SEC22C: variants seen among roughly 807,000 people sequenced by gnomAD.
SEC22C encodes vesicle-trafficking protein SEC22c.
A neutral mutation model predicts 34.7 loss-of-function variants in SEC22C; 29 were observed. The ratio of observed to expected loss-of-function variants is 0.84; its 90% CI spans 0.62 to 1.14. The LOEUF is 1.14. Among genes scored for constraint, SEC22C ranks in the 50% most tolerant of loss-of-function variants. SEC22C has a pLI of 0.00. For missense variants in SEC22C, 337 were observed against 369.0 expected (o/e 0.91, Z 0.71); for synonymous variants, 117 against 132.8 (o/e 0.88, Z 0.82).
Position 42,548,670 on chromosome 3 carries a change from A to C in SEC22C, c.*4578T>G. On this transcript the variant is annotated 3_prime_UTR_variant, in exon 7 of 7. Transcript: ENST00000264454. ...AGCTCCTTGGATCCTGGAATAAACC[A>C]AACATCAATGGTACCATGCGCTCTG... 6.2e-7 allele frequency: 1 copy of C among 1,614,100 alleles called. No individual in the cohort carries two copies. The highest frequency in any genetic ancestry group is 8.5e-7 in the Non-Finnish European group (1 of 1,180,030).
upstream of SEC22C, among the ~76,000 whole-genome samples, chr3:42,586,564 A>G (rs1241003781): frequency 6.9e-6 from 1 of 145,502 alleles, no homozygotes; most frequent in Admixed American, 6.9e-5. Context: ...GCTGTCCTGT[A>G]TGTCCTTTTC....
At chr3:42,595,921 G>C (rs1447164096) in intron 1 of SEC22C, among the ~76,000 whole-genome samples, 3 of 152,196 alleles carry the variant, frequency 2.0e-5, no homozygotes. Flanking sequence ...CTGAGATAAC[G>C]TGGTTGAGAA....
rs116669051 is a variant in SEC22C, at chr3:42,567,539, C to A, written c.182+1326G>T. On this transcript the variant is annotated intron_variant, in intron 2 of 6. Coordinates refer to ENST00000264454, the MANE Select transcript of SEC22C (RefSeq NM_032970.4). ...AAAACAGGTGTAACACTATTACCTA[C>A]ATCATTAGCCACATAAAACACAGAA... Among the ~76,000 whole-genome samples the A allele has an allele frequency of 3.0e-3, 457 of 152,326 alleles. 3 individuals carry two copies. The highest frequency in any genetic ancestry group is 0.011 in the African/African-American group (441 of 41,570).
rs1702181122 is a variant in SEC22C, at chr3:42,550,192, C to CA, written c.*3055dup. The CA allele has an allele frequency of 1.0e-6, 1 of 985,360 alleles. No individual in the cohort carries two copies. The highest frequency in any genetic ancestry group is 1.7e-5 in the African/African-American group (1 of 57,252). 61.0% of individuals were successfully genotyped at this position (985,360 alleles called of 1,614,324 possible). On this transcript the variant is annotated 3_prime_UTR_variant, in exon 7 of 7. Transcript: ENST00000264454. ...ATGGGACTTAACACACTCTGATGCT[C>CA]AAGGCCTTGCAGCATCTGATACCAG...
At chr3:42,577,878 G>A (rs753471601) in intron 1 of SEC22C, among the ~76,000 whole-genome samples, 6 of 152,032 alleles carry the variant, frequency 3.9e-5, no homozygotes, top group Non-Finnish European at 7.4e-5. Context: ...GCTGAGGCAG[G>A]AGAATCACTT....
chr3:42,556,933 G>A (rs907194292), intron 5 of SEC22C, among the ~76,000 whole-genome samples: 3 of 152,100 alleles, frequency 2.0e-5, no homozygotes. Context: ...ATGTTGATCA[G>A]GCTGGTCTCA....
At chr3:42,595,244 T>C (rs1295479013) in intron 1 of SEC22C, 1 of 152,218 alleles carries the variant, frequency 6.6e-6, no homozygotes, top group Non-Finnish European at 1.5e-5. Flanking sequence ...CATGTTGTAT[T>C]TTGTTGATGT....
intron 1 of SEC22C, among the ~76,000 whole-genome samples, chr3:42,579,795 C>G (rs1359051741): frequency 6.6e-6 from 1 of 152,146 alleles, no homozygotes; most frequent in African/African-American, 2.4e-5. Context: ...ACTCAGTAAA[C>G]ACTGCTAAGT....
chr3:42,548,503 C>T lies in SEC22C; in HGVS notation c.*4745G>A. The T allele has an allele frequency of 8.2e-7, 1 of 1,212,344 alleles. No individual in the cohort carries two copies. The highest frequency in any genetic ancestry group is 1.2e-6 in the Non-Finnish European group (1 of 832,956). 75.1% of individuals were successfully genotyped at this position (1,212,344 alleles called of 1,614,324 possible). A position where few individuals can be genotyped will look rare whatever the true frequency, so the allele number is the denominator to read the frequency against. On this transcript the variant is annotated 3_prime_UTR_variant, in exon 7 of 7. Coordinates refer to ENST00000264454, the MANE Select transcript of SEC22C (RefSeq NM_032970.4). Reference sequence around the variant, plus strand: ...GCCATTCCCAGATTTCACTGACATGCCCTTTTCCACAGGCTCCCTGCTGAT... The same window carrying T: ...GCCATTCCCAGATTTCACTGACATGTCCTTTTCCACAGGCTCCCTGCTGAT...
chr3:42,598,365 T>C (rs977123036), intron 1 of SEC22C, among the ~76,000 whole-genome samples: 3 of 151,022 alleles, frequency 2.0e-5, no homozygotes, highest in Non-Finnish European at 4.4e-5. Flanking sequence ...TCTCGCACTG[T>C]CACCCAGGCT....
At position 42,548,875 on chromosome 3, in the gene SEC22C, C is replaced by A. The variant is rs1702113206; in HGVS notation, c.*4373G>T. ...CTTCATGTACCAGGTGAATGTAAAG[C>A]CTTTCTCCTCCCACACACAATGGAC... On this transcript the variant is annotated 3_prime_UTR_variant, in exon 7 of 7. Transcript: ENST00000264454. 6 of 1,378,590 alleles carry A rather than the reference C, an allele frequency of 4.4e-6. No individual in the cohort carries two copies. Among genetic ancestry groups the A allele is most frequent in the Middle Eastern group, 2.8e-4 (1 of 3,616 alleles). 85.4% of individuals were successfully genotyped at this position (1,378,590 alleles called of 1,614,324 possible).
intron 4 of SEC22C, among the ~76,000 whole-genome samples, chr3:42,559,553 T>C (rs957422961): frequency 6.6e-6 from 1 of 152,238 alleles, no homozygotes; most frequent in Non-Finnish European, 1.5e-5. Flanking sequence ...AATCCAAGTA[T>C]TGGTTGAAAC....
intron 4 of SEC22C, among the ~76,000 whole-genome samples, chr3:42,560,120 CTATATATATA>C (rs534462968): frequency 1.1e-4 from 10 of 92,946 alleles, no homozygotes; most frequent in South Asian, 4.1e-4. Flanking sequence ...CTCTCTCTCT[CTATATATATA>C]TATATATAAA....
At chr3:42,577,212 A>G (rs1317962724) in intron 1 of SEC22C, among the ~76,000 whole-genome samples, 1 of 152,214 alleles carries the variant, frequency 6.6e-6, no homozygotes, top group Non-Finnish European at 1.5e-5. Flanking sequence ...GAGCTCTTAG[A>G]TATGACACCA....
Position 42,550,491 on chromosome 3 carries a change from A to G in SEC22C, c.*2757T>C, listed in dbSNP as rs970459013. 3 of 985,144 alleles carry G rather than the reference A, an allele frequency of 3.0e-6. No individual in the cohort carries two copies. The highest frequency in any genetic ancestry group is 6.2e-5 in the Admixed American group (1 of 16,242). The allele number at this position is 985,144 out of a possible 1,614,324, so 61.0% of individuals were successfully genotyped here. ...ATGAAATCACCAGAACTTCTTTCCT[A>G]TTTTCAGTCTCTTCCTTCAGTGAGC... On this transcript the variant is annotated 3_prime_UTR_variant, in exon 7 of 7. Coordinates refer to ENST00000264454, the MANE Select transcript of SEC22C (RefSeq NM_032970.4).
chr3:42,584,077 C>T (rs902939073), upstream of SEC22C, among the ~76,000 whole-genome samples: 13 of 152,166 alleles, frequency 8.5e-5, no homozygotes, highest in Admixed American at 7.9e-4. Context: ...TCTCAGCCTC[C>T]ATAACTATGT....
chr3:42,561,696 A>C (rs933956396), intron 3 of SEC22C, among the ~76,000 whole-genome samples: 1 of 152,216 alleles, frequency 6.6e-6, no homozygotes, highest in Non-Finnish European at 1.5e-5. Flanking sequence ...GCTGAAGTTC[A>C]CATTTCTAAG....
Position 42,567,820 on chromosome 3 carries a change from C to T in SEC22C, c.182+1045G>A, listed in dbSNP as rs541666811. 4.5e-4 allele frequency among the ~76,000 whole-genome samples: 69 copies of T among 152,288 alleles called. No individual in the cohort carries two copies. The East Asian group carries it at 0.012, about 27-fold the overall frequency. On this transcript the variant is annotated intron_variant, in intron 2 of 6. Transcript: ENST00000264454. ...GCGCAGTGGCTCACGCCTGTAATCCCAGCACTTTGGGAGGCCAAGGTGGGC... is the reference window on the plus strand; with the variant it reads ...GCGCAGTGGCTCACGCCTGTAATCCTAGCACTTTGGGAGGCCAAGGTGGGC...
chr3:42,569,575 GGA>G (rs1278143009), intron 1 of SEC22C, among the ~76,000 whole-genome samples: 5 of 152,152 alleles, frequency 3.3e-5, no homozygotes, highest in African/African-American at 1.2e-4. Context: ...AGAAGAAGGT[GGA>G]GAGATTCTGA....
Sources: allele counts gnomAD v4.1 joint callset (sites outside exome capture counted in the v4.1 genomes callset), GRCh38; gene constraint gnomAD v4.1.1; transcripts MANE v1.5; gene names NCBI Gene and HGNC (gene_info 2026-07-23, HGNC 2026-07-21).